Variants in HACD2 observed in about 807,000 individuals in gnomAD.
The protein encoded by HACD2 is 3-hydroxyacyl-CoA dehydratase 2.
In HACD2, 15 loss-of-function variants were observed where a neutral mutation model predicts 31.0. The observed-to-expected ratio is 0.48, with a 90% confidence interval of 0.32 to 0.75. The LOEUF is 0.75. HACD2 is among the 30% of genes least tolerant of loss of function. The pLI is 0.03. For missense variants in HACD2, 283 were observed against 313.0 expected, an observed-to-expected ratio of 0.90 and a Z score of 0.72; for synonymous variants, 115 against 122.2, an observed-to-expected ratio of 0.94 and a Z score of 0.39.
chr3:123,498,586 T>C (rs554877777), intron 6 of HACD2, among the ~76,000 whole-genome samples: 1 of 152,216 alleles, frequency 6.6e-6, no homozygotes, highest in Non-Finnish European at 1.5e-5. Flanking sequence ...CTAGGTTATA[T>C]GTTTCTTATG....
chr3:123,523,826 T>A (rs986164617), intron 4 of HACD2, among the ~76,000 whole-genome samples: 1 of 152,168 alleles, frequency 6.6e-6, no homozygotes, highest in Non-Finnish European at 1.5e-5. Flanking sequence ...TCCCAGCAAC[T>A]CCACCCCAGT....
At chr3:123,550,667 C>T (rs572219855) in intron 3 of HACD2, among the ~76,000 whole-genome samples, 4 of 152,020 alleles carry the variant, frequency 2.6e-5, no homozygotes, top group Non-Finnish European at 5.9e-5. Flanking sequence ...GAGAGCAGGT[C>T]GGGGAACAAT....
rs371935919 is a variant in HACD2 at position 123,506,072 on chromosome 3, A to G, written c.382-3391T>C. ...ATGATCCCTCCACAGGCAAGGCGTG[A>G]AACGCTGGCTAATACTGACTTCCTT... On this transcript the variant is annotated intron_variant, in intron 4 of 6. Coordinates refer to ENST00000383657, the MANE Select transcript of HACD2 (RefSeq NM_198402.5). Among the ~76,000 whole-genome samples the G allele has an allele frequency of 3.0e-4, 45 of 152,376 alleles. 2 individuals are homozygous for G. The highest frequency in any genetic ancestry group is 2.5e-3 in the East Asian group (13 of 5,180).
Position 123,500,661 on chromosome 3 carries a change from C to T in HACD2, c.536G>A (p.Gly179Glu). ...YTLFIVLYPM[G>E]VSGELLTIYA... ...TATTGTGAGCAGTTCTCCTGACACT[C>T]CCATTGGGTACAGCACAATGAAAAG... Residue 179 changes from glycine to glutamate, a missense_variant, in exon 6 of 7, where the codon GGA becomes GAA. By Grantham distance (98) the Gly-to-Glu change is moderately conservative. Coordinates refer to ENST00000383657, the MANE Select transcript of HACD2 (RefSeq NM_198402.5). 6.2e-7 allele frequency: 1 copy of T among 1,612,524 alleles called. No individual in the cohort carries two copies. The highest frequency in any genetic ancestry group is 8.5e-7 in the Non-Finnish European group (1 of 1,179,468).
In HACD2 at chr3:123,522,332, C is replaced by CAAA. The variant is rs34478912; in HGVS notation, c.381+6051_381+6053dup. On this transcript the variant is annotated intron_variant, in intron 4 of 6. Coordinates refer to ENST00000383657, the MANE Select transcript of HACD2 (RefSeq NM_198402.5). ...GACAGAGCAGGACCCTGTCTCCAAA[C>CAAA]AAAAAAAAAAAAAAAAAGAGAGAGA... Among the ~76,000 whole-genome samples, 98 of 116,908 alleles carry CAAA rather than the reference C, an allele frequency of 8.4e-4. 5 individuals carry two copies. Among genetic ancestry groups the CAAA allele is most frequent in the South Asian group, 1.1e-3 (4 of 3,654 alleles). The allele number at this position is 116,908 out of a possible 152,430, so 76.7% of individuals were successfully genotyped here.
chr3:123,566,698 A>G (rs2056796158), intron 3 of HACD2, among the ~76,000 whole-genome samples: 1 of 151,902 alleles, frequency 6.6e-6, no homozygotes, highest in Non-Finnish European at 1.5e-5. Context: ...GGAGTTTGAG[A>G]CCAGGCTGGC....
intron 4 of HACD2, among the ~76,000 whole-genome samples, chr3:123,515,101 T>C (rs76699812): frequency 0.025 from 3,755 of 152,266 alleles, 153 homozygotes; most frequent in African/African-American, 0.082. Flanking sequence ...GTGCTTTGTA[T>C]GTGTTAACTC....
chr3:123,502,730 T>C (rs1393047983), intron 4 of HACD2, 49 bp from the exon 5 acceptor site: 2 of 1,552,328 alleles, frequency 1.3e-6, no homozygotes, highest in Non-Finnish European at 1.7e-6. Flanking sequence ...ACAACGTTAA[T>C]GAAGACAGTG....
intron 5 of HACD2, among the ~76,000 whole-genome samples, chr3:123,501,293 C>T (rs942689178): frequency 6.6e-6 from 1 of 152,186 alleles, no homozygotes; most frequent in East Asian, 1.9e-4. Flanking sequence ...CCCACAATTA[C>T]AATTATCGTC....
chr3:123,521,967 G>A (rs1336463377), intron 4 of HACD2, among the ~76,000 whole-genome samples: 1 of 152,034 alleles, frequency 6.6e-6, no homozygotes, highest in African/African-American at 2.4e-5. Flanking sequence ...GGGCTATAAA[G>A]GAACTAAGAC....
intron 4 of HACD2, among the ~76,000 whole-genome samples, chr3:123,522,332 CAA>C (rs34478912): frequency 5.1e-5 from 6 of 116,908 alleles, no homozygotes; most frequent in Admixed American, 1.0e-4. Flanking sequence ...TGTCTCCAAA[CAA>C]AAAAAAAAAA....
chr3:123,520,460 A>C (rs186193405), intron 4 of HACD2, among the ~76,000 whole-genome samples: 4 of 152,210 alleles, frequency 2.6e-5, no homozygotes, highest in Non-Finnish European at 5.9e-5. Flanking sequence ...TTACACTGAA[A>C]TTCAATTCCT....
chr3:123,542,032 A>G (rs2056497070), intron 3 of HACD2, among the ~76,000 whole-genome samples: 1 of 148,758 alleles, frequency 6.7e-6, no homozygotes, highest in South Asian at 2.1e-4. Flanking sequence ...CTGTAGTCCC[A>G]GCTACTTGGG....
chr3:123,582,203 A>T lies in HACD2; in HGVS notation c.273+9T>A. The T allele has an allele frequency of 6.6e-7, 1 of 1,515,956 alleles. No homozygotes were observed. The highest frequency in any genetic ancestry group is 9.0e-7 in the Non-Finnish European group (1 of 1,110,654). 93.9% of individuals were successfully genotyped at this position (1,515,956 alleles called of 1,614,324 possible). A position where few individuals can be genotyped will look rare whatever the true frequency, so the allele number is the denominator to read the frequency against. On this transcript the variant is annotated intron_variant, in intron 2 of 6. Transcript: ENST00000383657. ...GAAATCAATAACAACAATAAATCTC[A>T]GGACCTACCTCCAATAAGGCTCCAG...
In HACD2 at chr3:123,573,737, G is replaced by C. The variant is rs138775909; in HGVS notation, c.274-5957C>G. On this transcript the variant is annotated intron_variant, in intron 2 of 6. Coordinates refer to ENST00000383657, the MANE Select transcript of HACD2 (RefSeq NM_198402.5). ...AGCAAAAGGGTGTTGGTTATTCACTGGGCTCCCTCAGACTCCAAACATGTT... is the reference window on the plus strand; with the variant it reads ...AGCAAAAGGGTGTTGGTTATTCACTCGGCTCCCTCAGACTCCAAACATGTT... Among the ~76,000 whole-genome samples, 108 of 152,200 alleles carry C rather than the reference G, an allele frequency of 7.1e-4. 2 individuals carry two copies. Among genetic ancestry groups the C allele is most frequent in the East Asian group, 6.0e-3 (31 of 5,186 alleles).
Position 123,528,371 on chromosome 3 carries a change from T to C in HACD2, c.381+15A>G, listed in dbSNP as rs1331932859. The C allele has an allele frequency of 1.3e-5, 20 of 1,503,994 alleles. No homozygotes were observed. The Middle Eastern group carries it at 5.1e-4, about 39-fold the overall frequency. The allele number at this position is 1,503,994 out of a possible 1,614,324, so 93.2% of individuals were successfully genotyped here. Reference sequence around the variant, plus strand: ...TGTTAGTGTTGACATTATTTTGGTCTATATAAACACTTACCTCTTTGACGC... The same window carrying C: ...TGTTAGTGTTGACATTATTTTGGTCCATATAAACACTTACCTCTTTGACGC... On this transcript the variant is annotated intron_variant, in intron 4 of 6. Coordinates refer to ENST00000383657, the MANE Select transcript of HACD2 (RefSeq NM_198402.5).
Position 123,584,795 on chromosome 3 carries a change from C to T in HACD2, c.155+78G>A, listed in dbSNP as rs1453691381. On this transcript the variant is annotated intron_variant, in intron 1 of 6. Coordinates refer to ENST00000383657, the MANE Select transcript of HACD2 (RefSeq NM_198402.5). ...ACTGCCTGCGGCGGGCCGCGCCGATCCTATCCGCCCCGCCGCTGGCCGCAG... is the reference window on the plus strand; with the variant it reads ...ACTGCCTGCGGCGGGCCGCGCCGATTCTATCCGCCCCGCCGCTGGCCGCAG... The T allele has an allele frequency of 4.2e-6, 5 of 1,194,296 alleles. No individual in the cohort carries two copies. In the Admixed American group the frequency reaches 1.1e-4, roughly 27 times the overall value. 74.0% of individuals were successfully genotyped at this position (1,194,296 alleles called of 1,614,324 possible).
At chr3:123,566,670 G>T (rs985729336) in intron 3 of HACD2, among the ~76,000 whole-genome samples, 1 of 151,882 alleles carries the variant, frequency 6.6e-6, no homozygotes, top group Non-Finnish European at 1.5e-5. Flanking sequence ...GCCAAGGTGG[G>T]TGGATCACTT....
At chr3:123,506,813 CTCA>C (rs1235202791) in intron 4 of HACD2, among the ~76,000 whole-genome samples, 10 of 152,150 alleles carry the variant, frequency 6.6e-5, no homozygotes, top group African/African-American at 2.4e-4. Flanking sequence ...GTGCCAGTGA[CTCA>C]TCAATAGCCT....
Sources: allele counts gnomAD v4.1 joint callset (sites outside exome capture counted in the v4.1 genomes callset), GRCh38; gene constraint gnomAD v4.1.1; transcripts MANE v1.5; gene names NCBI Gene and HGNC (gene_info 2026-07-23, HGNC 2026-07-21).